The following PLD1 variants were observed in gnomAD, a reference collection of about 807,000 sequenced individuals.
PLD1 encodes phospholipase D1.
Under a neutral mutation model 137.1 loss-of-function variants are expected in PLD1, and 112 were observed. The ratio of observed to expected loss-of-function variants is 0.82; its 90% CI spans 0.70 to 0.96. PLD1 has a LOEUF of 0.96. Among genes scored for constraint, PLD1 ranks in the 40% least tolerant of loss-of-function variants. PLD1 has a pLI of 0.00. For synonymous variants in PLD1, 431 were observed against 454.7 expected (o/e 0.95, Z 0.66); for missense variants, 1,321 against 1,342.0 (o/e 0.98, Z 0.24).
chr3:171,706,346 A>G (rs1716694883), intron 11 of PLD1, among the ~76,000 whole-genome samples: 1 of 152,150 alleles, frequency 6.6e-6, no homozygotes, highest in Non-Finnish European at 1.5e-5. Flanking sequence ...CATCATTTGA[A>G]AAACACTAAC....
intron 1 of PLD1, among the ~76,000 whole-genome samples, chr3:171,807,784 A>G (rs1213658707): frequency 6.6e-6 from 1 of 152,202 alleles, no homozygotes; most frequent in Non-Finnish European, 1.5e-5. Flanking sequence ...TATGTTCACC[A>G]CAGCACTAGT....
In PLD1 at chr3:171,713,898, A is replaced by C; in HGVS notation, c.906T>G (p.Leu302=). The C allele has an allele frequency of 6.2e-7, 1 of 1,611,492 alleles. No homozygotes were observed. Among genetic ancestry groups the C allele is most frequent in the Non-Finnish European group, 8.5e-7 (1 of 1,177,912 alleles). ...TAAATATTTGAAATGTGTACCTTGA[A>C]AGATTATCAATTCGGATTCCATATT... The part of the protein sequence containing the change: ...ETKYGIRIDN[L]SRTLILKCNS... Residue 302 remains leucine (L), a synonymous_variant, in exon 9 of 27, where the codon CTT becomes CTG. Coordinates refer to ENST00000351298, the MANE Select transcript of PLD1 (RefSeq NM_002662.5).
At chr3:171,681,067 T>C (rs1012596049) in intron 16 of PLD1, among the ~76,000 whole-genome samples, 5 of 152,184 alleles carry the variant, frequency 3.3e-5, no homozygotes, top group Non-Finnish European at 7.3e-5. Flanking sequence ...ACCAGCTCAA[T>C]CTGCACAAAT....
rs151074367 is a variant in PLD1, at chr3:171,759,200, G to A, written c.-31-21118C>T. On this transcript the variant is annotated intron_variant, in intron 1 of 26. Transcript: ENST00000351298. Reference sequence around the variant, plus strand: ...AAGGTTTATGGTTTTCTTTTTAAGCGGTATGCCTTATTCAGGCAGAAGGTC... The same window carrying A: ...AAGGTTTATGGTTTTCTTTTTAAGCAGTATGCCTTATTCAGGCAGAAGGTC... 6.9e-3 allele frequency among the ~76,000 whole-genome samples: 1,050 copies of A among 152,082 alleles called. 45 individuals carry two copies. The highest frequency in any genetic ancestry group is 0.062 in the Admixed American group (950 of 15,256).
rs554004619 is a variant in PLD1, at chr3:171,629,924, A to T, written c.2594-9404T>A. ...CCATAAAAACCCTAGAAGAAAACCT[A>T]GGCATTACCATTCAGGACATAGGTA... On this transcript the variant is annotated intron_variant, in intron 23 of 26. Coordinates refer to ENST00000351298, the MANE Select transcript of PLD1 (RefSeq NM_002662.5). Among the ~76,000 whole-genome samples, 165 of 152,196 alleles carry T rather than the reference A, an allele frequency of 1.1e-3. 5 individuals carry two copies. The South Asian group carries it at 0.032, about 29-fold the overall frequency.
At chr3:171,630,719 A>G (rs1734581975) in intron 23 of PLD1, among the ~76,000 whole-genome samples, 1 of 147,762 alleles carries the variant, frequency 6.8e-6, no homozygotes, top group Non-Finnish European at 1.5e-5. Flanking sequence ...TTGTAGGGAC[A>G]TGGATGAAAT....
At chr3:171,613,813 A>G (rs1359090523) in intron 24 of PLD1, among the ~76,000 whole-genome samples, 1 of 152,150 alleles carries the variant, frequency 6.6e-6, no homozygotes, top group Non-Finnish European at 1.5e-5. Context: ...CAGGAACCTC[A>G]TCACGTTTTT....
chr3:171,732,242 C>T (rs529254163), intron 6 of PLD1, among the ~76,000 whole-genome samples: 1 of 152,104 alleles, frequency 6.6e-6, no homozygotes, highest in Non-Finnish European at 1.5e-5. Flanking sequence ...AATACAAGTT[C>T]CTGAGTCCTA....
At chr3:171,717,310 T>C (rs1016812560) in intron 8 of PLD1, among the ~76,000 whole-genome samples, 1 of 152,228 alleles carries the variant, frequency 6.6e-6, no homozygotes, top group Non-Finnish European at 1.5e-5. Flanking sequence ...TATGGCCATT[T>C]TAATGATATT....
At chr3:171,807,590 A>T (rs1308312079) in intron 1 of PLD1, among the ~76,000 whole-genome samples, 2 of 152,232 alleles carry the variant, frequency 1.3e-5, no homozygotes, top group Non-Finnish European at 2.9e-5. Context: ...TTTTAAAAAA[A>T]CATCCTGTAA....
At chr3:171,723,369 T>A (rs1482974454) in intron 8 of PLD1, among the ~76,000 whole-genome samples, 1 of 152,240 alleles carries the variant, frequency 6.6e-6, no homozygotes, top group Admixed American at 6.5e-5. Flanking sequence ...TATCCATTCA[T>A]CTGTTGATGA....
intron 23 of PLD1, among the ~76,000 whole-genome samples, chr3:171,623,701 C>T (rs79875312): frequency 0.016 from 2,486 of 151,876 alleles, 31 homozygotes; most frequent in Non-Finnish European, 0.025. Context: ...TAGACAGATA[C>T]ACCAGTGAAT....
intron 23 of PLD1, among the ~76,000 whole-genome samples, chr3:171,625,870 A>ACCAAAAGT (rs749482166): frequency 2.6e-4 from 40 of 152,266 alleles, no homozygotes; most frequent in Non-Finnish European, 4.9e-4. Context: ...ATCATCAAAG[A>ACCAAAAGT]CCAAAAGTAC....
intron 1 of PLD1, among the ~76,000 whole-genome samples, chr3:171,745,579 A>G (rs1216191984): frequency 6.6e-6 from 1 of 152,238 alleles, no homozygotes; most frequent in East Asian, 1.9e-4. Context: ...CCAGACCCTC[A>G]GAGGCACTGG....
chr3:171,770,830 A>G (rs1722296951), intron 1 of PLD1, among the ~76,000 whole-genome samples: 1 of 147,370 alleles, frequency 6.8e-6, no homozygotes, highest in South Asian at 2.3e-4. Context: ...TTGAGACTAC[A>G]GTGAGCCATG....
chr3:171,749,048 C>T (rs1267844321), intron 1 of PLD1, among the ~76,000 whole-genome samples: 1 of 151,958 alleles, frequency 6.6e-6, no homozygotes, highest in Non-Finnish European at 1.5e-5. Flanking sequence ...ATGAATCAAG[C>T]TAATACATAT....
At chr3:171,667,573 G>T (rs572071760) in intron 19 of PLD1, among the ~76,000 whole-genome samples, 6 of 152,300 alleles carry the variant, frequency 3.9e-5, no homozygotes, top group African/African-American at 1.2e-4. Context: ...CAAAAGGAGA[G>T]TTAGGGATGG....
At position 171,644,922 on chromosome 3, in the gene PLD1, T is replaced by C. The variant is rs556433569; in HGVS notation, c.2531A>G (p.His844Arg). Residue 844 changes from histidine to arginine, a missense_variant, in exon 22 of 27, where the codon CAC becomes CGC. Coordinates refer to ENST00000351298, the MANE Select transcript of PLD1 (RefSeq NM_002662.5). ...GGGNALQAIMHFNYRTMCRGE... is the reference protein window; with the variant it reads ...GGGNALQAIMRFNYRTMCRGE... ...AGAGTTTTGGCACCTGTAGTTGAAG[T>C]GCATGATTGCCTGTAGAGCATTTCC... The C allele has an allele frequency of 1.6e-5, 26 of 1,608,450 alleles. No homozygotes were observed. In the Admixed American group the frequency reaches 2.8e-4, roughly 18 times the overall value.
chr3:171,681,686 C>G (rs1713986403), intron 16 of PLD1, among the ~76,000 whole-genome samples: 1 of 152,082 alleles, frequency 6.6e-6, no homozygotes, highest in Non-Finnish European at 1.5e-5. Flanking sequence ...ATGACTCTTG[C>G]AGTAGGAGTA....
Sources: gnomAD v4.1 joint callset for allele counts (sites outside exome capture counted in the v4.1 genomes callset) on GRCh38, gnomAD v4.1.1 for gene constraint, MANE v1.5 for transcripts, NCBI Gene and HGNC (gene_info 2026-07-23, HGNC 2026-07-21) for gene names.